PON1: variants seen among roughly 807,000 people sequenced by gnomAD.
PON1 encodes the protein serum paraoxonase/arylesterase 1.
PON1 carries 37 observed loss-of-function variants against 39.2 expected under a neutral mutation model. That is an observed-to-expected ratio of 0.94 (90% CI 0.73 to 1.24). The LOEUF (loss-of-function observed/expected upper bound fraction) is 1.24. PON1 is among the 50% of genes most tolerant of loss of function. The pLI, the probability that PON1 is intolerant of heterozygous loss-of-function variation, is 0.00. For synonymous variants in PON1, 148 were observed against 152.2 expected, an observed-to-expected ratio of 0.97 and a Z score of 0.21; for missense variants, 397 against 413.5, an observed-to-expected ratio of 0.96 and a Z score of 0.35.
chr7:95,321,582 T>A (rs1807899349), intron 1 of PON1, among the ~76,000 whole-genome samples: 1 of 152,220 alleles, frequency 6.6e-6, no homozygotes, highest in South Asian at 2.1e-4. Context: ...TTACCCTGTT[T>A]TGTAGGTAAG....
At chr7:95,313,289 G>C (rs1807694304) in intron 4 of PON1, among the ~76,000 whole-genome samples, 1 of 152,188 alleles carries the variant, frequency 6.6e-6, no homozygotes, top group Non-Finnish European at 1.5e-5. Flanking sequence ...GTTTATTTTG[G>C]CATTGTTTGC....
Position 95,302,222 on chromosome 7 carries a change from T to C in PON1, c.892A>G (p.Asn298Asp). 6.2e-7 allele frequency: 1 copy of C among 1,613,012 alleles called. No homozygotes were observed. Among genetic ancestry groups the C allele is most frequent in the Non-Finnish European group, 8.5e-7 (1 of 1,179,362 alleles). ...GMKIFFYDSE[N>D]PPASEVLRIQ... ...AAACTTACCTCTGATGCAGGAGGAT[T>C]CTCTGAGTCATAGAAGAAGATTTTC... The change falls in exon 8 of 9, where the codon AAT (asparagine) becomes GAT (aspartate). Residue 298 changes from asparagine (N) to aspartate (D), a missense_variant. Transcript: ENST00000222381.
chr7:95,308,216 A>G lies in PON1; in HGVS notation c.498-5T>C, dbSNP rs755586417. The G allele has an allele frequency of 4.5e-5, 73 of 1,611,670 alleles. No homozygotes were observed. Among genetic ancestry groups the G allele is most frequent in the Non-Finnish European group, 6.0e-5 (71 of 1,178,048 alleles). ...ACAGCAACAATATCATTCAAACTGC[A>G]ATTAAAACATACACACATAATATAT... On this transcript the variant is annotated splice_polypyrimidine_tract_variant and splice_region_variant and intron_variant, in intron 5 of 8. Coordinates refer to ENST00000222381, the MANE Select transcript of PON1 (RefSeq NM_000446.7).
chr7:95,302,123 C>CAAAAAAAAAAAAAAAG (rs1198986302), intron 8 of PON1, 82 bp downstream of exon 8: 1 of 460,344 alleles, frequency 2.2e-6, no homozygotes, highest in Non-Finnish European at 3.2e-6. Context: ...AAAAAAAAAC[C>CAAAAAAAAAAAAAAAG]AAGAATTGAG....
intron 7 of PON1, among the ~76,000 whole-genome samples, chr7:95,303,961 G>C (rs531072049): frequency 1.3e-5 from 2 of 152,212 alleles, no homozygotes; most frequent in South Asian, 4.2e-4. Context: ...AGAGAGGAGA[G>C]AATTATTTCT....
chr7:95,301,982 A>G (rs1585691237), intron 8 of PON1, among the ~76,000 whole-genome samples: 2 of 151,016 alleles, frequency 1.3e-5, no homozygotes, highest in East Asian at 3.9e-4. Flanking sequence ...CTGTGGTCCC[A>G]ACTACTTGGG....
intron 7 of PON1, among the ~76,000 whole-genome samples, chr7:95,304,457 C>A (rs1458890223): frequency 6.6e-6 from 1 of 151,760 alleles, no homozygotes; most frequent in Non-Finnish European, 1.5e-5. Context: ...CTCAGTCTCC[C>A]AGGTAGCTGG....
chr7:95,301,400 G>A (rs1375646149), intron 8 of PON1, among the ~76,000 whole-genome samples: 1 of 152,036 alleles, frequency 6.6e-6, no homozygotes, highest in African/African-American at 2.4e-5. Context: ...TGCGTATACC[G>A]CCACACAGGA....
chr7:95,298,898 T>G lies in PON1; in HGVS notation c.*46A>C. 2 of 1,611,760 alleles carry G rather than the reference T, an allele frequency of 1.2e-6. No individual in the cohort carries two copies. Among genetic ancestry groups the G allele is most frequent in the Non-Finnish European group, 1.7e-6 (2 of 1,177,848 alleles). On this transcript the variant is annotated 3_prime_UTR_variant, in exon 9 of 9. Coordinates refer to ENST00000222381, the MANE Select transcript of PON1 (RefSeq NM_000446.7). ...GGGTCCTCGGAATATGGCAAGCGGT[T>G]GAAATAATGGCCTCAGTTTCTATGG...
In PON1 at chr7:95,298,837, T is replaced by G; in HGVS notation, c.*107A>C. 1.5e-6 allele frequency: 2 copies of G among 1,358,684 alleles called. No individual in the cohort carries two copies. Among genetic ancestry groups the G allele is most frequent in the African/African-American group, 1.4e-5 (1 of 69,806 alleles). The allele number at this position is 1,358,684 out of a possible 1,614,324, so 84.2% of individuals were successfully genotyped here. Reference sequence around the variant, plus strand: ...GCTTTGATGCTTCATGATGTCCACATTTAGGGTCAGCATTCATTGTTCAGC... The same window carrying G: ...GCTTTGATGCTTCATGATGTCCACAGTTAGGGTCAGCATTCATTGTTCAGC... On this transcript the variant is annotated 3_prime_UTR_variant, in exon 9 of 9. Coordinates refer to ENST00000222381, the MANE Select transcript of PON1 (RefSeq NM_000446.7).
In PON1 at chr7:95,302,250, G is replaced by C; in HGVS notation, c.864C>G (p.Gly288=). 6 of 1,612,590 alleles carry C rather than the reference G, an allele frequency of 3.7e-6. No individual in the cohort carries two copies. Among genetic ancestry groups the C allele is most frequent in the Non-Finnish European group, 5.1e-6 (6 of 1,178,860 alleles). ...GDLWVGCHPN[G]MKIFFYDSEN... The stretch of plus-strand genomic sequence containing the variant: ...CTGAGTCATAGAAGAAGATTTTCAT[G>C]CCATTGGGATGGCATCCAACCCAAA... Residue 288 remains glycine, a synonymous_variant, in exon 8 of 9, where the codon GGC becomes GGG. Coordinates refer to ENST00000222381, the MANE Select transcript of PON1 (RefSeq NM_000446.7).
intron 1 of PON1, among the ~76,000 whole-genome samples, chr7:95,321,732 CTT>C (rs1807903066): frequency 6.6e-6 from 1 of 152,146 alleles, no homozygotes; most frequent in South Asian, 2.1e-4. Context: ...TTTGCTCACA[CTT>C]TTCCCTTCAC....
At chr7:95,299,309 G>A (rs1238886678) in intron 8 of PON1, among the ~76,000 whole-genome samples, 2 of 152,192 alleles carry the variant, frequency 1.3e-5, no homozygotes, top group African/African-American at 4.8e-5. Context: ...CAGAGGTGGA[G>A]AGTATCTAGA....
chr7:95,302,962 T>G (rs958606187), intron 7 of PON1, among the ~76,000 whole-genome samples: 1 of 152,228 alleles, frequency 6.6e-6, no homozygotes, highest in Middle Eastern at 3.2e-3. Flanking sequence ...TGTCGAGGCT[T>G]TGTACAAGGA....
At position 95,298,624 on chromosome 7, in the gene PON1, T is replaced by G; in HGVS notation, c.*320A>C. 2.5e-6 allele frequency: 1 copy of G among 402,726 alleles called. No individual in the cohort carries two copies. The highest frequency in any genetic ancestry group is 4.7e-6 in the Non-Finnish European group (1 of 212,734). 24.9% of individuals were successfully genotyped at this position (402,726 alleles called of 1,614,324 possible). On this transcript the variant is annotated 3_prime_UTR_variant, in exon 9 of 9. Coordinates refer to ENST00000222381, the MANE Select transcript of PON1 (RefSeq NM_000446.7). ...CACACATGTGCTTCCAGGCAACACA[T>G]GTTTTAGGGTAAGTACTTTTGGGGT...
intron 8 of PON1, among the ~76,000 whole-genome samples, chr7:95,301,945 A>G (rs1195756289): frequency 6.6e-6 from 1 of 150,840 alleles, no homozygotes; most frequent in Non-Finnish European, 1.5e-5. Flanking sequence ...AAAATACAAA[A>G]AATTAGCCAG....
intron 1 of PON1, among the ~76,000 whole-genome samples, chr7:95,319,976 G>T (rs568046989): frequency 6.6e-6 from 1 of 152,150 alleles, no homozygotes; most frequent in East Asian, 1.9e-4. Flanking sequence ...AATTGACTTT[G>T]TTACCCACCA....
intron 1 of PON1, 65 bp downstream of exon 1, chr7:95,324,337 G>A (rs1367588929): frequency 6.7e-7 from 1 of 1,499,744 alleles, no homozygotes; most frequent in African/African-American, 1.4e-5. Flanking sequence ...ACTTTCTGGG[G>A]GCTCGTGGAG....
chr7:95,322,348 G>GTATA (rs1243628970), intron 1 of PON1, among the ~76,000 whole-genome samples: 6 of 128,068 alleles, frequency 4.7e-5, no homozygotes, highest in Non-Finnish European at 9.9e-5. Context: ...GTGTGTGTGT[G>GTATA]TGTATATATA....
Sources: gnomAD v4.1 joint callset for allele counts (sites outside exome capture counted in the v4.1 genomes callset) on GRCh38, gnomAD v4.1.1 for gene constraint, MANE v1.5 for transcripts, NCBI Gene and HGNC (gene_info 2026-07-23, HGNC 2026-07-21) for gene names.